SSPN: variants seen among roughly 807,000 people sequenced by gnomAD.
SSPN encodes the protein sarcospan, also known as K-ras oncogene-associated protein.
SSPN carries 15 observed loss-of-function variants against 19.1 expected under a neutral mutation model. The observed-to-expected ratio is 0.78, with a 90% CI of 0.52 to 1.21. The LOEUF is 1.21. Among genes scored for constraint, SSPN ranks in the 50% most tolerant of loss-of-function variants. The pLI is 0.00. For missense variants in SSPN, 291 were observed against 314.0 expected (o/e 0.93, Z 0.55); for synonymous variants, 147 against 140.3 (o/e 1.05, Z -0.34).
At chr12:26,204,881 A>C (rs921932184) in intron 1 of SSPN, among the ~76,000 whole-genome samples, 6 of 152,210 alleles carry the variant, frequency 3.9e-5, no homozygotes, top group Non-Finnish European at 5.9e-5. Context: ...TCAGTTCCAA[A>C]ACGAAAAGGG....
upstream of SSPN, among the ~76,000 whole-genome samples, chr12:26,191,647 A>T (rs1034871445): frequency 2.0e-5 from 3 of 151,788 alleles, no homozygotes; most frequent in Non-Finnish European, 2.9e-5. Context: ...TAAAGAAAAT[A>T]AAAAAAATAG....
Position 26,234,168 on chromosome 12 carries a change from C to T in SSPN, c.*3092C>T, listed in dbSNP as rs1282276379. The T allele has an allele frequency of 6.6e-6, 1 of 152,162 alleles. No homozygotes were observed. Among genetic ancestry groups the T allele is most frequent in the Non-Finnish European group, 1.5e-5 (1 of 68,042 alleles). 9.4% of individuals were successfully genotyped at this position (152,162 alleles called of 1,614,324 possible). ...GCATGAGAATCTTAATATTCTTATA[C>T]TTCCCTTTTTGCATGCAGTATGTCT... On this transcript the variant is annotated 3_prime_UTR_variant, in exon 3 of 3. Coordinates refer to ENST00000242729, the MANE Select transcript of SSPN (RefSeq NM_005086.5).
At position 26,129,719 on chromosome 12, in the gene SSPN, C is replaced by G. The variant is rs147578579; in HGVS notation, c.-31+7567C>G. On this transcript the variant is annotated intron_variant, in intron 1 of 2. Coordinates refer to the SSPN transcript ENST00000538142. ...AATGTGTCTGTAGCCATAAACATACCTATGAACCATGTTTTACATTTATGT... is the reference window on the plus strand; with the variant it reads ...AATGTGTCTGTAGCCATAAACATACGTATGAACCATGTTTTACATTTATGT... 3.3e-3 allele frequency among the ~76,000 whole-genome samples: 497 copies of G among 152,300 alleles called. 1 individual carries two copies. Among genetic ancestry groups the G allele is most frequent in the Admixed American group, 5.8e-3 (88 of 15,304 alleles).
chr12:26,190,886 C>G (rs952745063), upstream of SSPN, among the ~76,000 whole-genome samples: 2 of 152,194 alleles, frequency 1.3e-5, no homozygotes, highest in Non-Finnish European at 2.9e-5. Context: ...ACTTCCATCA[C>G]CCAGAAAGTC....
In SSPN at chr12:26,231,543, G is replaced by A. The variant is rs1346235323; in HGVS notation, c.*467G>A. ...CTGTCTTGGAGACAGGCAGGAGGTG[G>A]GGGAAGAGCTGAATCTCTTTATTTT... On this transcript the variant is annotated 3_prime_UTR_variant, in exon 3 of 3. Transcript: ENST00000242729. 1 of 154,698 alleles carries A rather than the reference G, an allele frequency of 6.5e-6. No homozygotes were observed. Among genetic ancestry groups the A allele is most frequent in the Non-Finnish European group, 1.4e-5 (1 of 69,938 alleles). 9.6% of individuals were successfully genotyped at this position (154,698 alleles called of 1,614,324 possible).
rs1945259874 is a variant in SSPN, at chr12:26,233,805, G to C, written c.*2729G>C. The C allele has an allele frequency of 6.6e-6, 1 of 152,244 alleles. No homozygotes were observed. The highest frequency in any genetic ancestry group is 2.4e-5 in the African/African-American group (1 of 41,446). The allele number at this position is 152,244 out of a possible 1,614,324, so 9.4% of individuals were successfully genotyped here. A position where few individuals can be genotyped will look rare whatever the true frequency, so the allele number is the denominator to read the frequency against. ...ATCAAGACTTTGGAAAGACGGGGAAGAGCCGGGACTTGGCAGTACTTGAAA... is the reference window on the plus strand; with the variant it reads ...ATCAAGACTTTGGAAAGACGGGGAACAGCCGGGACTTGGCAGTACTTGAAA... On this transcript the variant is annotated 3_prime_UTR_variant, in exon 3 of 3. Coordinates refer to ENST00000242729, the MANE Select transcript of SSPN (RefSeq NM_005086.5). The surrounding 1 kb of genome is among the most constrained non-coding windows in gnomAD (Gnocchi z 4.3).
At chr12:26,122,864 G>C in intron 1 of SSPN, 1 of 1,563,540 alleles carries the variant, frequency 6.4e-7, no homozygotes, top group African/African-American at 1.4e-5. Context: ...TGACGGGCAC[G>C]CAGTAGGCGA....
At chr12:26,183,508 T>C (rs1944733119) in intron 1 of SSPN, among the ~76,000 whole-genome samples, 1 of 152,252 alleles carries the variant, frequency 6.6e-6, no homozygotes, top group African/African-American at 2.4e-5. Flanking sequence ...AATTTCTCCA[T>C]CTACTGAGTT....
At chr12:26,167,357 A>G (rs1944627597) in intron 1 of SSPN, among the ~76,000 whole-genome samples, 1 of 152,228 alleles carries the variant, frequency 6.6e-6, no homozygotes. Context: ...CAAAGATTGG[A>G]AAAAGCAGCA....
chr12:26,122,420 G>T, intron 1 of SSPN: 1 of 1,341,206 alleles, frequency 7.5e-7, no homozygotes, highest in South Asian at 1.7e-5. Flanking sequence ...TGTCCAGGAA[G>T]GGCTGCACGT....
intron 1 of SSPN, chr12:26,122,511 GCGCCTC>G (rs771667138): frequency 5.4e-6 from 7 of 1,302,076 alleles, no homozygotes; most frequent in African/African-American, 1.6e-5. Flanking sequence ...CGGGAAGGGC[GCGCCTC>G]CGCCTCCGCC....
intron 1 of SSPN, among the ~76,000 whole-genome samples, chr12:26,208,997 C>T (rs1944956712): frequency 6.6e-6 from 1 of 151,622 alleles, no homozygotes; most frequent in East Asian, 1.9e-4. Flanking sequence ...AAGCAGCCCA[C>T]CCCCAACCCA....
chr12:26,123,419 C>T (rs935207387), intron 1 of SSPN, among the ~76,000 whole-genome samples: 4 of 152,184 alleles, frequency 2.6e-5, no homozygotes, highest in Admixed American at 1.3e-4. Context: ...CACTTTAAAT[C>T]CTGATTCCTC....
chr12:26,184,795 T>C (rs913328851), intron 1 of SSPN, among the ~76,000 whole-genome samples: 6 of 152,128 alleles, frequency 3.9e-5, no homozygotes, highest in African/African-American at 1.4e-4. Context: ...GAGTAAAAAC[T>C]TAGTTTTCAA....
intron 1 of SSPN, among the ~76,000 whole-genome samples, chr12:26,127,965 A>G (rs1199515718): frequency 1.3e-5 from 2 of 152,198 alleles, no homozygotes; most frequent in Non-Finnish European, 2.9e-5. Context: ...CTTTTTATGT[A>G]TTAAGTCATT....
rs1295701663 is a variant in SSPN, at chr12:26,230,854, G to T, written c.510G>T (p.Glu170Asp). 6.2e-7 allele frequency: 1 copy of T among 1,614,042 alleles called. No homozygotes were observed. The highest frequency in any genetic ancestry group is 8.5e-7 in the Non-Finnish European group (1 of 1,180,052). ...GCCAGTGCAAACTGCCCTCCTCGGA[G>T]CCGCTCAGCAGGACCTTTGTTTACC... The part of the protein sequence containing the change: ...DSCQCKLPSS[E>D]PLSRTFVYRD... The change falls in exon 3 of 3, where the codon GAG becomes GAT. Residue 170 changes from glutamate (E) to aspartate (D), a missense_variant. Glu to Asp is a conservative substitution (Grantham distance 45). Around this residue, in one of 3 missense-constraint regions of SSPN, gnomAD observed 141 missense variants for 166.7 expected, o/e 0.85. Transcript: ENST00000242729.
chr12:26,215,987 A>G (rs1174336027), intron 1 of SSPN, among the ~76,000 whole-genome samples: 1 of 152,210 alleles, frequency 6.6e-6, no homozygotes, highest in Non-Finnish European at 1.5e-5. Flanking sequence ...CATTTCTAAA[A>G]CATCAGTTTT....
chr12:26,123,228 C>T (rs1455927378), intron 1 of SSPN: 1 of 1,510,680 alleles, frequency 6.6e-7, no homozygotes, highest in East Asian at 2.3e-5. Flanking sequence ...AGAAACATAC[C>T]CACGTTAAAA....
At chr12:26,208,007 AGTG>A (rs906294980) in intron 1 of SSPN, among the ~76,000 whole-genome samples, 27 of 103,032 alleles carry the variant, frequency 2.6e-4, no homozygotes, top group Non-Finnish European at 4.0e-4. Context: ...CTCAAAAGAA[AGTG>A]GTGGTGGTGG....
Sources: gnomAD v4.1 joint callset for allele counts (sites outside exome capture counted in the v4.1 genomes callset) on GRCh38, gnomAD v4.1.1 for gene constraint, gnomAD v4.1.1 regional missense constraint, Gnocchi (gnomAD v3.1) non-coding constraint, MANE v1.5 for transcripts, NCBI Gene and HGNC (gene_info 2026-07-23, HGNC 2026-07-21) for gene names.